CNTNAP5: variants seen among roughly 807,000 people sequenced by gnomAD.
CNTNAP5 encodes the protein contactin associated protein family member 5, also known as contactin-associated protein-like 5.
A neutral mutation model predicts 150.2 loss-of-function variants in CNTNAP5; 72 were observed. That is an observed-to-expected ratio of 0.48 (90% confidence interval 0.40 to 0.58). The LOEUF (loss-of-function observed/expected upper bound fraction) is 0.58. Ranked by LOEUF, CNTNAP5 falls within the 20% of genes least tolerant of loss-of-function variation. The pLI, the probability that CNTNAP5 is intolerant of heterozygous loss-of-function variation, is 0.00. For synonymous variants in CNTNAP5, 672 were observed against 619.8 expected, an observed-to-expected ratio of 1.08 and a Z score of -1.25; for missense variants, 1,636 against 1,626.2, an observed-to-expected ratio of 1.01 and a Z score of -0.10.
intron 3 of CNTNAP5, among the ~76,000 whole-genome samples, chr2:124,368,740 G>T (rs1690439710): frequency 6.6e-6 from 1 of 152,140 alleles, no homozygotes; most frequent in East Asian, 1.9e-4. Flanking sequence ...TAAACTTTGT[G>T]CTGGGGGTGG....
chr2:124,455,319 G>A (rs1693094625), intron 6 of CNTNAP5, among the ~76,000 whole-genome samples: 1 of 151,964 alleles, frequency 6.6e-6, no homozygotes, highest in South Asian at 2.1e-4. Flanking sequence ...ATAAATTCCT[G>A]GAAAGATACA....
chr2:124,319,625 G>A (rs1469814003), intron 3 of CNTNAP5, among the ~76,000 whole-genome samples: 1 of 152,030 alleles, frequency 6.6e-6, no homozygotes, highest in African/African-American at 2.4e-5. Context: ...CTCCATTCTC[G>A]AGGTCAGGGT....
chr2:124,074,764 CA>C (rs1211704956), intron 1 of CNTNAP5, among the ~76,000 whole-genome samples: 2 of 152,108 alleles, frequency 1.3e-5, no homozygotes, highest in African/African-American at 4.8e-5. Flanking sequence ...CCATCTCCAG[CA>C]AAAACATTGA....
intron 13 of CNTNAP5, among the ~76,000 whole-genome samples, chr2:124,720,682 T>C (rs1283732065): frequency 6.6e-6 from 1 of 152,190 alleles, no homozygotes; most frequent in East Asian, 1.9e-4. Context: ...GCTGAGATCC[T>C]GAGAATAAAA....
chr2:124,772,976 A>T lies in CNTNAP5; in HGVS notation c.2711A>T (p.Glu904Val). ...LPRSTRETSE[E>V]GHFRLQLNSQ... ...AGGAGCACCAGGGAGACGTCGGAGG[A>T]GGGCCATTTTCGACTGCAGCTGAAC... Residue 904 changes from glutamate (E) to valine (V), a missense_variant, in exon 17 of 24, where the codon GAG (glutamate) becomes GTG (valine). Physicochemically the swap from Glu to Val is moderately radical, Grantham distance 121. Coordinates refer to ENST00000682447, the MANE Select transcript of CNTNAP5 (RefSeq NM_001367498.1). 6.2e-7 allele frequency: 1 copy of T among 1,613,526 alleles called. No individual in the cohort carries two copies.
At chr2:124,159,080 A>G (rs573416481) in intron 1 of CNTNAP5, among the ~76,000 whole-genome samples, 1 of 152,364 alleles carries the variant, frequency 6.6e-6, no homozygotes, top group Admixed American at 6.5e-5. Context: ...TTCAACATGC[A>G]TAGTCCCTTA....
chr2:124,388,687 TTTTTC>T, intron 3 of CNTNAP5, among the ~76,000 whole-genome samples: 1 of 152,144 alleles, frequency 6.6e-6, no homozygotes, highest in Non-Finnish European at 1.5e-5. Context: ...CGGGGCCTTT[TTTTTC>T]TTTTCTTTTC....
intron 4 of CNTNAP5, among the ~76,000 whole-genome samples, chr2:124,425,236 A>G (rs1692212114): frequency 6.6e-6 from 1 of 152,230 alleles, no homozygotes; most frequent in Non-Finnish European, 1.5e-5. Context: ...ACCTTCCCTT[A>G]AACATAAAAC....
At chr2:124,472,937 G>A (rs1475169841) in intron 6 of CNTNAP5, among the ~76,000 whole-genome samples, 2 of 151,838 alleles carry the variant, frequency 1.3e-5, no homozygotes, top group African/African-American at 2.4e-5. Context: ...ACAACAAAGC[G>A]AAGTACAATA....
chr2:124,051,436 T>A (rs2104643001), intron 1 of CNTNAP5, among the ~76,000 whole-genome samples: 1 of 152,322 alleles, frequency 6.6e-6, no homozygotes, highest in African/African-American at 2.4e-5. Context: ...GTGTTGCCAA[T>A]CATGCACCAC....
chr2:124,304,282 G>A (rs1191415725), intron 3 of CNTNAP5, among the ~76,000 whole-genome samples: 7 of 152,112 alleles, frequency 4.6e-5, no homozygotes, highest in African/African-American at 1.4e-4. Flanking sequence ...TTTATAAATT[G>A]AGCCCTTGAC....
At chr2:124,393,007 C>CTTATT (rs139793714) in intron 3 of CNTNAP5, among the ~76,000 whole-genome samples, 1 of 152,076 alleles carries the variant, frequency 6.6e-6, no homozygotes, top group African/African-American at 2.4e-5. Flanking sequence ...ATTTTTAACT[C>CTTATT]TTATTTTATT....
chr2:124,723,381 A>G (rs1680088747), intron 13 of CNTNAP5, among the ~76,000 whole-genome samples: 2 of 152,172 alleles, frequency 1.3e-5, no homozygotes, highest in Non-Finnish European at 2.9e-5. Context: ...AGACCTCAAA[A>G]ATCGCATTTA....
At chr2:124,655,305 C>T (rs898546991) in intron 13 of CNTNAP5, among the ~76,000 whole-genome samples, 1 of 152,056 alleles carries the variant, frequency 6.6e-6, no homozygotes, top group Non-Finnish European at 1.5e-5. Flanking sequence ...TCATCCATGT[C>T]CCTGCAAAGG....
chr2:124,897,062 T>A (rs1678321392), intron 21 of CNTNAP5, among the ~76,000 whole-genome samples: 1 of 151,608 alleles, frequency 6.6e-6, no homozygotes, highest in Non-Finnish European at 1.5e-5. Flanking sequence ...AGCAATCTTT[T>A]TTAAATCAGT....
intron 18 of CNTNAP5, among the ~76,000 whole-genome samples, chr2:124,791,807 C>T (rs978272718): frequency 6.6e-6 from 1 of 151,700 alleles, no homozygotes; most frequent in Non-Finnish European, 1.5e-5. Context: ...GTGCTCCCTC[C>T]CACTTTTAAT....
intron 1 of CNTNAP5, among the ~76,000 whole-genome samples, chr2:124,142,507 A>G (rs1684141221): frequency 6.8e-6 from 1 of 146,348 alleles, no homozygotes; most frequent in Non-Finnish European, 1.5e-5. Context: ...GCTCAACTAC[A>G]TGGAAACTGA....
intron 4 of CNTNAP5, among the ~76,000 whole-genome samples, chr2:124,427,820 CCTGTTGAATCCCCA>C (rs1353397365): frequency 2.0e-5 from 3 of 152,024 alleles, no homozygotes; most frequent in African/African-American, 7.2e-5. Flanking sequence ...CTAGTTCCGA[CCTGTTGAATCCCCA>C]CTGCCCTTGG....
At chr2:124,413,324 G>A (rs1416681386) in intron 3 of CNTNAP5, among the ~76,000 whole-genome samples, 4 of 151,364 alleles carry the variant, frequency 2.6e-5, no homozygotes, top group South Asian at 2.1e-4. Flanking sequence ...TCATTGTGGC[G>A]ATTCCTCAGG....
Sources: gnomAD v4.1 joint callset for allele counts (sites outside exome capture counted in the v4.1 genomes callset) on GRCh38, gnomAD v4.1.1 for gene constraint, MANE v1.5 for transcripts, NCBI Gene and HGNC (gene_info 2026-07-23, HGNC 2026-07-21) for gene names.